Variants in AP4E1 observed in about 807,000 individuals in gnomAD.
AP4E1 encodes adaptor related protein complex 4 subunit epsilon 1, also known as AP-4 complex subunit epsilon-1.
AP4E1 carries 56 observed loss-of-function variants against 128.2 expected under a neutral mutation model. The ratio of observed to expected loss-of-function variants is 0.44; its 90% CI spans 0.35 to 0.55. AP4E1 has a LOEUF of 0.55. Among genes scored for constraint, AP4E1 ranks in the 20% least tolerant of loss-of-function variants. AP4E1 has a pLI of 0.00. For missense variants in AP4E1, 1,324 were observed against 1,307.7 expected, an observed-to-expected ratio of 1.01 and a Z score of -0.19; for synonymous variants, 484 against 473.1, an observed-to-expected ratio of 1.02 and a Z score of -0.30.
intron 13 of AP4E1, among the ~76,000 whole-genome samples, chr15:50,957,395 T>A (rs1291390456): frequency 3.3e-5 from 5 of 152,126 alleles, no homozygotes; most frequent in Admixed American, 6.6e-5. Context: ...CTTCTTCCTC[T>A]ATGCTGGCTG....
chr15:50,951,165 T>G (rs2064144677), intron 13 of AP4E1, among the ~76,000 whole-genome samples: 2 of 152,194 alleles, frequency 1.3e-5, no homozygotes, highest in African/African-American at 4.8e-5. Context: ...GTTCTCTGAT[T>G]AGGGTCTCAC....
intron 13 of AP4E1, among the ~76,000 whole-genome samples, chr15:50,957,694 T>TTTTTTTTTA (rs2064247190): frequency 6.8e-6 from 1 of 146,188 alleles, no homozygotes; most frequent in African/African-American, 2.5e-5. Context: ...TTTTTTTTTT[T>TTTTTTTTTA]GAGACGGAGT....
In AP4E1 at chr15:50,997,760, A is replaced by G. The variant is rs143736272; in HGVS notation, c.2781A>G (p.Ile927Met). 3 of 1,612,446 alleles carry G rather than the reference A, an allele frequency of 1.9e-6. No homozygotes were observed. Among genetic ancestry groups the G allele is most frequent in the South Asian group, 1.1e-5 (1 of 90,866 alleles). The stretch of plus-strand genomic sequence containing the variant: ...TGGAAGTCTGTAATAATGAAACTAT[A>G]TCAGTGTCTTCTTATAAAATTTGGA... ...NAMEVCNNET[I>M]SVSSYKIWKD... The change falls in exon 18 of 21, where the codon ATA (isoleucine) becomes ATG (methionine). Residue 927 changes from isoleucine to methionine, a missense_variant. Physicochemically the swap from Ile to Met is conservative, Grantham distance 10 (BLOSUM62 1). Transcript: ENST00000261842.
intron 20 of AP4E1, among the ~76,000 whole-genome samples, chr15:51,001,433 C>T (rs184623970): frequency 6.6e-6 from 1 of 152,218 alleles, no homozygotes; most frequent in East Asian, 1.9e-4. Context: ...CACTGTTGTG[C>T]AACTGTCACC....
chr15:50,975,966 G>A (rs2064544718), intron 15 of AP4E1, among the ~76,000 whole-genome samples: 2 of 152,052 alleles, frequency 1.3e-5, no homozygotes, highest in African/African-American at 4.8e-5. Flanking sequence ...CAGAGAGAGA[G>A]AGAGAGAGAG....
Position 50,912,133 on chromosome 15 carries a change from C to T in AP4E1, c.206C>T (p.Ala69Val), listed in dbSNP as rs1596450585. 1 of 1,614,082 alleles carries T rather than the reference C, an allele frequency of 6.2e-7. No homozygotes were observed. Among genetic ancestry groups the T allele is most frequent in the Non-Finnish European group, 8.5e-7 (1 of 1,179,964 alleles). Residue 69 changes from alanine (A) to valine (V), a missense_variant, in exon 2 of 21, where the codon GCT (alanine) becomes GTT (valine). Physicochemically the swap from Ala to Val is moderately conservative, Grantham distance 64 (BLOSUM62 0). Coordinates refer to ENST00000261842, the MANE Select transcript of AP4E1 (RefSeq NM_007347.5). ...AGTAGTCTGAAAGCGACTGTTTCTG[C>T]TCCTACTACAACACTGGTAGGTTTG... ...ELSSLKATVS[A>V]PTTTLKMMKE...
At position 50,993,589 on chromosome 15, in the gene AP4E1, A is replaced by G. The variant is rs773790996; in HGVS notation, c.2310A>G (p.Leu770=). ...AAAAGCAGCTGCTGGCATCATCATT[A>G]TTTGTTGGTCTAGGATCAGAAAGTA... ...EKEKQLLASS[L]FVGLGSESTI... The change falls in exon 17 of 21, where the codon TTA becomes TTG. Residue 770 remains leucine, a synonymous_variant. Coordinates refer to ENST00000261842, the MANE Select transcript of AP4E1 (RefSeq NM_007347.5). The G allele has an allele frequency of 6.2e-7, 1 of 1,613,996 alleles. No homozygotes were observed. Among genetic ancestry groups the G allele is most frequent in the South Asian group, 1.1e-5 (1 of 91,082 alleles).
At chr15:50,927,723 TAA>T (rs2063786064) in intron 5 of AP4E1, among the ~76,000 whole-genome samples, 1 of 152,156 alleles carries the variant, frequency 6.6e-6, no homozygotes, top group East Asian at 1.9e-4. Context: ...CCTAGGAAGA[TAA>T]GAGTTGTTTA....
chr15:50,993,293 G>T, intron 16 of AP4E1, 77 bp from the exon 17 acceptor site: 1 of 1,508,244 alleles, frequency 6.6e-7, no homozygotes, highest in Non-Finnish European at 9.2e-7. Context: ...GCATTGATAT[G>T]TTTTGAAAGA....
intron 15 of AP4E1, among the ~76,000 whole-genome samples, chr15:50,977,253 AG>A (rs2064564232): frequency 1.3e-5 from 2 of 152,130 alleles, no homozygotes; most frequent in Admixed American, 1.3e-4. Flanking sequence ...ACTGAAGTCA[AG>A]GGTTGGATAG....
At chr15:50,988,784 G>T (rs548833045) in intron 16 of AP4E1, among the ~76,000 whole-genome samples, 57 of 152,270 alleles carry the variant, frequency 3.7e-4, no homozygotes, top group African/African-American at 1.3e-3. Context: ...TTGAACTATT[G>T]TAAGTCAGGG....
chr15:50,910,220 G>T (rs1207588819), intron 1 of AP4E1, among the ~76,000 whole-genome samples: 1 of 152,110 alleles, frequency 6.6e-6, no homozygotes, highest in Non-Finnish European at 1.5e-5. Context: ...CTGACCTCAA[G>T]TGTTCGCTCA....
At chr15:50,912,472 A>T (rs540840125) in intron 2 of AP4E1, among the ~76,000 whole-genome samples, 176 of 152,346 alleles carry the variant, frequency 1.2e-3, no homozygotes, top group African/African-American at 4.0e-3. Flanking sequence ...TGATATTTTC[A>T]GACCTGAATT....
At chr15:50,956,585 G>A (rs2064226137) in intron 13 of AP4E1, among the ~76,000 whole-genome samples, 2 of 152,156 alleles carry the variant, frequency 1.3e-5, no homozygotes, top group African/African-American at 2.4e-5. Context: ...CTCTTTACAG[G>A]GTGGCAGGAG....
At chr15:50,950,401 T>C (rs746231066) in intron 13 of AP4E1, among the ~76,000 whole-genome samples, 53 of 152,170 alleles carry the variant, frequency 3.5e-4, no homozygotes, top group Non-Finnish European at 6.2e-4. Flanking sequence ...GTTTACAATG[T>C]TTTTGTTGTG....
chr15:50,959,661 G>A (rs2064282831), intron 14 of AP4E1, among the ~76,000 whole-genome samples: 1 of 152,092 alleles, frequency 6.6e-6, no homozygotes. Flanking sequence ...ATGAGAAACA[G>A]AAAGGAATCA....
chr15:50,972,139 T>C (rs2064487345), intron 15 of AP4E1, among the ~76,000 whole-genome samples: 1 of 152,176 alleles, frequency 6.6e-6, no homozygotes, highest in Admixed American at 6.6e-5. Flanking sequence ...CTTATTTGTA[T>C]AAATGTTCAG....
intron 2 of AP4E1, among the ~76,000 whole-genome samples, chr15:50,914,409 G>T (rs1290705825): frequency 6.6e-6 from 1 of 152,070 alleles, no homozygotes; most frequent in African/African-American, 2.4e-5. Context: ...CCGGCAATTT[G>T]TGGGGCTGAG....
At chr15:50,917,554 C>T (rs566568465) in intron 3 of AP4E1, among the ~76,000 whole-genome samples, 3 of 152,070 alleles carry the variant, frequency 2.0e-5, no homozygotes, top group Non-Finnish European at 4.4e-5. Context: ...AATAAATTAG[C>T]CTTCAATAGT....
Sources: allele counts gnomAD v4.1 joint callset (sites outside exome capture counted in the v4.1 genomes callset), GRCh38; gene constraint gnomAD v4.1.1; transcripts MANE v1.5; gene names NCBI Gene and HGNC (gene_info 2026-07-23, HGNC 2026-07-21).